Variants in ENTREP2 observed in about 807,000 individuals in gnomAD.
ENTREP2 encodes endosomal transmembrane epsin interactor 2.
chr15:29,269,850 T>TGC, the ENTREP2 span: 1 of 801,164 alleles, frequency 1.2e-6, no homozygotes, highest in South Asian at 2.5e-5. Context: ...GCCTGCGCCT[T>TGC]GCGTCAGGGC....
chr15:29,222,757 T>C, the ENTREP2 span, among the ~76,000 whole-genome samples: 17 of 152,118 alleles, frequency 1.1e-4, no homozygotes, highest in Non-Finnish European at 1.5e-5. Context: ...GGCCACCAGC[T>C]CCCTCACGCT....
the ENTREP2 span, among the ~76,000 whole-genome samples, chr15:29,637,106 AG>A: frequency 6.6e-6 from 1 of 152,186 alleles, no homozygotes; most frequent in Non-Finnish European, 1.5e-5. Flanking sequence ...CTGGGAAGGG[AG>A]GTAACTGCCA....
chr15:29,272,305 A>G, the ENTREP2 span, among the ~76,000 whole-genome samples: 9 of 152,312 alleles, frequency 5.9e-5, no homozygotes, highest in South Asian at 1.9e-3. Flanking sequence ...CAATACTAAC[A>G]TTAGTAACAA....
the ENTREP2 span, among the ~76,000 whole-genome samples, chr15:29,334,439 G>A: frequency 5.3e-5 from 8 of 152,136 alleles, no homozygotes; most frequent in Non-Finnish European, 1.5e-5. Flanking sequence ...TTTCCTAGCT[G>A]TTTTCTTCCT....
the ENTREP2 span, among the ~76,000 whole-genome samples, chr15:29,656,725 G>A: frequency 1.3e-5 from 2 of 152,134 alleles, no homozygotes; most frequent in Non-Finnish European, 2.9e-5. Context: ...TGGTGCAACA[G>A]ACTCTCTCAT....
the ENTREP2 span, among the ~76,000 whole-genome samples, chr15:29,576,559 A>G: frequency 6.6e-6 from 1 of 152,262 alleles, no homozygotes; most frequent in African/African-American, 2.4e-5. Flanking sequence ...AAAGAAATAT[A>G]TGCAAAGCAT....
the ENTREP2 span, among the ~76,000 whole-genome samples, chr15:29,286,556 C>A: frequency 6.6e-6 from 1 of 152,276 alleles, no homozygotes; most frequent in South Asian, 2.1e-4. Flanking sequence ...CTGCTTTGAA[C>A]AATGGAATGC....
At chr15:29,387,458 C>T in the ENTREP2 span, among the ~76,000 whole-genome samples, 9,521 of 152,018 alleles carry the variant, frequency 0.063, 407 homozygotes, top group African/African-American at 0.093. Flanking sequence ...CACTGCTCAA[C>T]GAAATAAAAG....
chr15:29,609,624 ATAATAT>A, the ENTREP2 span: 2 of 148,274 alleles, frequency 1.3e-5, no homozygotes, highest in South Asian at 4.3e-4. Context: ...TGCCCAATCT[ATAATAT>A]TAATTATTAT....
chr15:29,223,863 G>A, the ENTREP2 span, among the ~76,000 whole-genome samples: 4 of 152,190 alleles, frequency 2.6e-5, no homozygotes, highest in Non-Finnish European at 5.9e-5. Flanking sequence ...TCTGGAGAGG[G>A]CTCAGCTGAC....
At chr15:29,156,482 C>G in the ENTREP2 span, among the ~76,000 whole-genome samples, 1 of 152,146 alleles carries the variant, frequency 6.6e-6, no homozygotes, top group South Asian at 2.1e-4. Flanking sequence ...GCCACGGTGC[C>G]TAGCCCATGC....
the ENTREP2 span, among the ~76,000 whole-genome samples, chr15:29,285,322 C>A: frequency 6.6e-6 from 1 of 152,160 alleles, no homozygotes; most frequent in Non-Finnish European, 1.5e-5. Context: ...GTACCCCTGC[C>A]CTGGGCTTCA....
At chr15:29,118,357 C>T in the ENTREP2 span, 3 of 152,356 alleles carry the variant, frequency 2.0e-5, no homozygotes, top group East Asian at 1.9e-4. Flanking sequence ...GGCGGGTGCC[C>T]GCCTGTCCTT....
chr15:29,181,870 A>G, the ENTREP2 span, among the ~76,000 whole-genome samples: 1 of 152,224 alleles, frequency 6.6e-6, no homozygotes, highest in Non-Finnish European at 1.5e-5. Context: ...TTCAGCAAAC[A>G]TTATTCTTAA....
the ENTREP2 span, among the ~76,000 whole-genome samples, chr15:29,432,996 C>T: frequency 6.6e-6 from 1 of 152,232 alleles, no homozygotes; most frequent in African/African-American, 2.4e-5. Flanking sequence ...TGGTGTAAGG[C>T]TCCCCTGGGT....
the ENTREP2 span, among the ~76,000 whole-genome samples, chr15:29,485,765 C>T: frequency 6.6e-6 from 1 of 152,154 alleles, no homozygotes; most frequent in Non-Finnish European, 1.5e-5. Flanking sequence ...GAATGCTCGA[C>T]ATCCATCACC....
the ENTREP2 span, among the ~76,000 whole-genome samples, chr15:29,191,531 C>A: frequency 6.6e-6 from 1 of 151,530 alleles, no homozygotes; most frequent in African/African-American, 2.4e-5. Context: ...CAGAAGGAGC[C>A]GAGGAGGGAG....
chr15:29,668,223 T>C, the ENTREP2 span, among the ~76,000 whole-genome samples: 1 of 152,206 alleles, frequency 6.6e-6, no homozygotes, highest in East Asian at 1.9e-4. Context: ...CGCTCGGGCC[T>C]CTAGGCCTCC....
At chr15:29,348,301 G>A in the ENTREP2 span, among the ~76,000 whole-genome samples, 21,955 of 151,842 alleles carry the variant, frequency 0.14, 1,838 homozygotes, top group East Asian at 0.35. Context: ...ATTAGAAGGT[G>A]GTAAGTGGGG....
Sources: allele counts gnomAD v4.1 joint callset (sites outside exome capture counted in the v4.1 genomes callset), GRCh38; gene constraint gnomAD v4.1.1; transcripts MANE v1.5; gene names NCBI Gene and HGNC (gene_info 2026-07-23, HGNC 2026-07-21).